The following MORN5 variants were observed in gnomAD, a reference collection of about 807,000 sequenced individuals.
The protein encoded by MORN5 is MORN repeat containing 5, also known as MORN repeat-containing protein 5.
A neutral mutation model predicts 22.1 loss-of-function variants in MORN5; 21 were observed. The observed-to-expected ratio is 0.95, with a 90% confidence interval of 0.67 to 1.37. The LOEUF (loss-of-function observed/expected upper bound fraction) is 1.37. MORN5 is among the 40% of genes most tolerant of loss of function. MORN5 has a pLI of 0.00. For missense variants in MORN5, 211 were observed against 215.1 expected, an observed-to-expected ratio of 0.98 and a Z score of 0.12; for synonymous variants, 73 against 74.0, an observed-to-expected ratio of 0.99 and a Z score of 0.07.
intron 2 of MORN5, among the ~76,000 whole-genome samples, chr9:122,168,050 T>C (rs1829313233): frequency 6.6e-6 from 1 of 152,244 alleles, no homozygotes; most frequent in African/African-American, 2.4e-5. Context: ...CAAATAATCT[T>C]CCCACTTCAG....
rs756622394 is a variant in MORN5 at position 122,199,981 on chromosome 9, C to T, written c.*50C>T. 2 of 1,597,446 alleles carry T rather than the reference C, an allele frequency of 1.3e-6. No homozygotes were observed. The highest frequency in any genetic ancestry group is 3.3e-5 in the Admixed American group (2 of 59,994). ...GAGCCGTGAACTCTGTGGCTGCCTCCACCAGAGGTTTCCATCTGCCCTACT... is the reference window on the plus strand; with the variant it reads ...GAGCCGTGAACTCTGTGGCTGCCTCTACCAGAGGTTTCCATCTGCCCTACT... On this transcript the variant is annotated 3_prime_UTR_variant, in exon 5 of 5. Coordinates refer to ENST00000373764, the MANE Select transcript of MORN5 (RefSeq NM_198469.4).
At chr9:122,166,683 C>A in intron 1 of MORN5, 85 bp from the exon 2 acceptor site, 2 of 1,276,388 alleles carry the variant, frequency 1.6e-6, no homozygotes, top group Non-Finnish European at 2.2e-6. Flanking sequence ...ATGCTGAGAA[C>A]GGGGTTCCTG....
At chr9:122,172,058 G>A (rs778555478) in intron 3 of MORN5, among the ~76,000 whole-genome samples, 34 of 146,822 alleles carry the variant, frequency 2.3e-4, no homozygotes, top group Non-Finnish European at 4.2e-4. Context: ...GGGCTCAAGC[G>A]ATCCTCCTGC....
At chr9:122,169,566 C>G in intron 2 of MORN5, 79 bp from the exon 3 acceptor site, 1 of 895,558 alleles carries the variant, frequency 1.1e-6, no homozygotes, top group South Asian at 1.3e-5. Context: ...GAAAGGCCCC[C>G]ACTTCCCTTG....
intron 3 of MORN5, 82 bp downstream of exon 3, chr9:122,169,838 C>T (rs1411002590): frequency 1.0e-6 from 1 of 960,580 alleles, no homozygotes; most frequent in Admixed American, 1.7e-5. Flanking sequence ...CTGTGTCCTA[C>T]TAAAGTAACT....
intron 4 of MORN5, among the ~76,000 whole-genome samples, chr9:122,178,552 G>A (rs1015466269): frequency 5.3e-5 from 8 of 152,156 alleles, no homozygotes; most frequent in African/African-American, 1.7e-4. Flanking sequence ...CATAGATACA[G>A]ATAGACATAC....
chr9:122,182,202 A>T (rs1019972713), intron 4 of MORN5, among the ~76,000 whole-genome samples: 1 of 152,206 alleles, frequency 6.6e-6, no homozygotes, highest in Non-Finnish European at 1.5e-5. Context: ...GCATTCATTG[A>T]TAAACACAAC....
At chr9:122,186,925 G>A (rs1402008703) in intron 4 of MORN5, among the ~76,000 whole-genome samples, 2 of 152,230 alleles carry the variant, frequency 1.3e-5, no homozygotes, top group African/African-American at 4.8e-5. Context: ...CAGGGTCACA[G>A]GCAGGTATTT....
Position 122,166,884 on chromosome 9 carries a change from A to T in MORN5, c.164A>T (p.Asp55Val). The change falls in exon 2 of 5, where the codon GAC (aspartate) becomes GTC (valine). Residue 55 changes from aspartate to valine, a missense_variant. Asp to Val is a radical substitution (Grantham distance 152). Transcript: ENST00000373764. Reference sequence around the variant, plus strand: ...TACTTCCCCAGCGGAAGCCAATACGACGCCATTTGGGAAAACGGATTGGCC... The same window carrying T: ...TACTTCCCCAGCGGAAGCCAATACGTCGCCATTTGGGAAAACGGATTGGCC... ...TLYFPSGSQY[D>V]AIWENGLAIK... is the part of the protein sequence containing the mutation. 1 of 1,613,754 alleles carries T rather than the reference A, an allele frequency of 6.2e-7. No homozygotes were observed. The highest frequency in any genetic ancestry group is 8.5e-7 in the Non-Finnish European group (1 of 1,179,878).
rs113210725 is a variant in MORN5 at position 122,171,551 on chromosome 9, T to C, written c.307+1795T>C. Among the ~76,000 whole-genome samples, 93 of 152,272 alleles carry C rather than the reference T, an allele frequency of 6.1e-4. 2 individuals carry two copies. Among genetic ancestry groups the C allele is most frequent in the African/African-American group, 2.1e-3 (87 of 41,550 alleles). On this transcript the variant is annotated intron_variant, in intron 3 of 4. Coordinates refer to ENST00000373764, the MANE Select transcript of MORN5 (RefSeq NM_198469.4). ...CCTTCAACTACCATCAGCTTCTAAA[T>C]TGAAATCAGAATCCCTGAGCCTAAG... is the stretch of plus-strand genomic sequence containing the variant.
At chr9:122,187,991 G>A (rs1032017712) in intron 4 of MORN5, among the ~76,000 whole-genome samples, 12 of 152,168 alleles carry the variant, frequency 7.9e-5, no homozygotes, top group African/African-American at 2.9e-4. Flanking sequence ...AGGGGTACAG[G>A]GTGCTCCAGA....
intron 4 of MORN5, among the ~76,000 whole-genome samples, chr9:122,182,669 T>G (rs2118769542): frequency 6.6e-6 from 1 of 152,316 alleles, no homozygotes; most frequent in East Asian, 1.9e-4. Context: ...GAGAATTGCT[T>G]GAACCTGGGA....
chr9:122,170,977 A>G (rs1829357461), intron 3 of MORN5, among the ~76,000 whole-genome samples: 1 of 152,240 alleles, frequency 6.6e-6, no homozygotes, highest in Admixed American at 6.5e-5. Context: ...AAAGTATAAT[A>G]AAAAATAAAT....
chr9:122,160,554 CTTCCTTCCTTTT>C (rs1564413267), intron 1 of MORN5, among the ~76,000 whole-genome samples: 1 of 150,770 alleles, frequency 6.6e-6, no homozygotes, highest in African/African-American at 2.4e-5. Flanking sequence ...TCCTTCCTTC[CTTCCTTCCTTTT>C]TTCCTTCCTT....
At chr9:122,162,506 C>G (rs1031176828) in intron 1 of MORN5, among the ~76,000 whole-genome samples, 1 of 152,042 alleles carries the variant, frequency 6.6e-6, no homozygotes, top group African/African-American at 2.4e-5. Context: ...TATATATACA[C>G]AAAGACATGT....
intron 1 of MORN5, among the ~76,000 whole-genome samples, chr9:122,164,940 AC>A (rs1480990279): frequency 6.6e-6 from 1 of 152,122 alleles, no homozygotes; most frequent in African/African-American, 2.4e-5. Context: ...TTCATTCTTT[AC>A]TCAGGAGACG....
intron 4 of MORN5, among the ~76,000 whole-genome samples, chr9:122,195,968 A>ACATTTATTTATTTATT (rs1554805861): frequency 6.8e-6 from 1 of 147,488 alleles, no homozygotes; most frequent in African/African-American, 2.6e-5. Context: ...ATTTTGTTTT[A>ACATTTATTTATTTATT]TATTTATTTA....
intron 4 of MORN5, among the ~76,000 whole-genome samples, chr9:122,189,470 C>A (rs77444466): frequency 0.05 from 7,631 of 152,200 alleles, 269 homozygotes; most frequent in Middle Eastern, 0.11. Flanking sequence ...GGTGGTGGCA[C>A]ACCTGGAGTT....
intron 4 of MORN5, among the ~76,000 whole-genome samples, chr9:122,184,833 G>C (rs1829588593): frequency 6.6e-6 from 1 of 152,202 alleles, no homozygotes; most frequent in East Asian, 1.9e-4. Context: ...TTGGAAGCCA[G>C]GTCCAGCTGA....
Sources: gnomAD v4.1 joint callset for allele counts (sites outside exome capture counted in the v4.1 genomes callset) on GRCh38, gnomAD v4.1.1 for gene constraint, MANE v1.5 for transcripts, NCBI Gene and HGNC (gene_info 2026-07-23, HGNC 2026-07-21) for gene names.